ACTR3C: variants seen among roughly 807,000 people sequenced by gnomAD.
ACTR3C encodes the protein actin related protein 3C, also known as actin-related protein 3C.
ACTR3C carries 18 observed loss-of-function variants against 26.3 expected under a neutral mutation model. The observed-to-expected ratio is 0.68, with a 90% CI of 0.47 to 1.01. ACTR3C has a LOEUF of 1.01. ACTR3C is among the 50% of genes least tolerant of loss of function. The pLI, the probability that ACTR3C is intolerant of heterozygous loss-of-function variation, is 0.00. For synonymous variants in ACTR3C, 55 were observed against 94.5 expected, an observed-to-expected ratio of 0.58 and a Z score of 2.42; for missense variants, 184 against 250.7, an observed-to-expected ratio of 0.73 and a Z score of 1.80.
chr7:150,105,585 C>G, the ACTR3C span, among the ~76,000 whole-genome samples: 1 of 152,064 alleles, frequency 6.6e-6, no homozygotes, highest in Non-Finnish European at 1.5e-5. Flanking sequence ...AGCACAGACT[C>G]CATGTCACCG....
the ACTR3C span, among the ~76,000 whole-genome samples, chr7:150,038,091 C>A: frequency 4.4e-5 from 6 of 137,546 alleles, 1 homozygote; most frequent in African/African-American, 1.1e-4. Context: ...GGTGCCTCCC[C>A]CCCTGTGATG....
At chr7:150,071,280 C>T in the ACTR3C span, among the ~76,000 whole-genome samples, 15 of 150,870 alleles carry the variant, frequency 9.9e-5, no homozygotes, top group African/African-American at 3.7e-4. Flanking sequence ...CCCGCCACCG[C>T]GCCCAGCTAA....
the ACTR3C span, among the ~76,000 whole-genome samples, chr7:150,041,073 C>T: frequency 2.0e-5 from 3 of 150,660 alleles, no homozygotes; most frequent in Admixed American, 6.6e-5. Context: ...CATCTTTTCT[C>T]TCTCTGACGC....
At chr7:150,098,860 G>A in the ACTR3C span, among the ~76,000 whole-genome samples, 1 of 151,482 alleles carries the variant, frequency 6.6e-6, no homozygotes, top group Non-Finnish European at 1.5e-5. Context: ...AGGAAATCAC[G>A]TGGATTGCCT....
At chr7:150,195,839 A>G in the ACTR3C span, among the ~76,000 whole-genome samples, 1 of 152,246 alleles carries the variant, frequency 6.6e-6, no homozygotes, top group Non-Finnish European at 1.5e-5. Context: ...AGATCGTGCC[A>G]TTGCACTCCA....
chr7:150,090,815 C>T, the ACTR3C span, among the ~76,000 whole-genome samples: 7 of 152,038 alleles, frequency 4.6e-5, no homozygotes, highest in African/African-American at 1.2e-4. Flanking sequence ...GTTTCATACA[C>T]GTCAGGTGCT....
At chr7:150,147,697 G>A in the ACTR3C span, among the ~76,000 whole-genome samples, 1 of 152,070 alleles carries the variant, frequency 6.6e-6, no homozygotes, top group African/African-American at 2.4e-5. Flanking sequence ...TGTGGGTCAG[G>A]CAGCAGTCAT....
At chr7:150,125,739 G>A in the ACTR3C span, among the ~76,000 whole-genome samples, 125 of 152,264 alleles carry the variant, frequency 8.2e-4, 4 homozygotes, top group South Asian at 0.022. Flanking sequence ...CGGCTGGTAC[G>A]TAGTAGGTAT....
At chr7:150,236,207 T>C in the ACTR3C span, among the ~76,000 whole-genome samples, 2 of 152,242 alleles carry the variant, frequency 1.3e-5, no homozygotes, top group Admixed American at 1.3e-4. Context: ...AGATCATTCT[T>C]TCTCATCAAT....
chr7:150,008,384 G>C, the ACTR3C span, among the ~76,000 whole-genome samples: 2 of 152,246 alleles, frequency 1.3e-5, no homozygotes, highest in African/African-American at 4.8e-5. Flanking sequence ...TGTGCTGCCT[G>C]ACACTCCAGC....
chr7:150,098,520 T>G, the ACTR3C span, among the ~76,000 whole-genome samples: 1 of 151,796 alleles, frequency 6.6e-6, no homozygotes, highest in Non-Finnish European at 1.5e-5. Context: ...TCAAGCTACA[T>G]GTGAGCCATC....
chr7:150,291,612 A>G (rs977445859), intron 3 of ACTR3C, among the ~76,000 whole-genome samples: 5 of 152,182 alleles, frequency 3.3e-5, no homozygotes, highest in Non-Finnish European at 7.3e-5. Context: ...ATCTTTTCAA[A>G]CAACTTTCTT....
At chr7:150,111,206 A>C in the ACTR3C span, among the ~76,000 whole-genome samples, 2 of 121,660 alleles carry the variant, frequency 1.6e-5, no homozygotes, top group African/African-American at 7.2e-5. Flanking sequence ...AGCTGTGAGC[A>C]CCCCCCTTTT....
the ACTR3C span, among the ~76,000 whole-genome samples, chr7:150,041,790 G>C: frequency 7.8e-6 from 1 of 128,550 alleles, no homozygotes; most frequent in Non-Finnish European, 1.7e-5. Flanking sequence ...CCTGCCTCGC[G>C]GGGGGTGCCT....
the ACTR3C span, among the ~76,000 whole-genome samples, chr7:150,035,526 G>T: frequency 7.8e-6 from 1 of 127,884 alleles, no homozygotes; most frequent in Admixed American, 7.2e-5. Context: ...CACTCTCGTG[G>T]GGGGTGCCTC....
At chr7:150,250,499 G>A (rs1425062881) in intron 6 of ACTR3C, among the ~76,000 whole-genome samples, 12 of 151,840 alleles carry the variant, frequency 7.9e-5, no homozygotes, top group African/African-American at 1.7e-4. Flanking sequence ...CACTGCGCCC[G>A]GCCGACTTGA....
the ACTR3C span, among the ~76,000 whole-genome samples, chr7:150,199,725 C>CAAA: frequency 0.032 from 2,774 of 86,018 alleles, 438 homozygotes; most frequent in East Asian, 0.11. Context: ...ATATTTTTAT[C>CAAA]AAAAAAAAAA....
the ACTR3C span, among the ~76,000 whole-genome samples, chr7:150,137,874 C>G: frequency 2.6e-5 from 4 of 152,296 alleles, no homozygotes; most frequent in Non-Finnish European, 4.4e-5. Context: ...CTGCTATAGT[C>G]TTATACTGCT....
chr7:150,011,845 T>A, the ACTR3C span, among the ~76,000 whole-genome samples: 1 of 152,226 alleles, frequency 6.6e-6, no homozygotes, highest in Non-Finnish European at 1.5e-5. Context: ...TATCACATAT[T>A]TTCTGAAAAT....
Sources: allele counts gnomAD v4.1 joint callset (sites outside exome capture counted in the v4.1 genomes callset), GRCh38; gene constraint gnomAD v4.1.1; transcripts MANE v1.5; gene names NCBI Gene and HGNC (gene_info 2026-07-23, HGNC 2026-07-21).